INPP5D: variants seen among roughly 807,000 people sequenced by gnomAD.
The protein encoded by INPP5D is phosphatidylinositol 3,4,5-trisphosphate 5-phosphatase 1.
A neutral mutation model predicts 122.9 loss-of-function variants in INPP5D; 33 were observed. The ratio of observed to expected loss-of-function variants is 0.27; its 90% CI spans 0.20 to 0.36. The LOEUF is 0.36. INPP5D is among the 10% of genes least tolerant of loss of function. INPP5D has a pLI of 1.00. For synonymous variants in INPP5D, 584 were observed against 576.2 expected, an observed-to-expected ratio of 1.01 and a Z score of -0.19; for missense variants, 1,053 against 1,412.7, an observed-to-expected ratio of 0.75 and a Z score of 4.08.
At chr2:233,152,721 T>A (rs1374122258) in intron 9 of INPP5D, among the ~76,000 whole-genome samples, 1 of 151,798 alleles carries the variant, frequency 6.6e-6, no homozygotes, top group African/African-American at 2.4e-5. Context: ...CAGGAACAAG[T>A]ATGGCGTGTG....
rs950721054 is a variant in INPP5D at position 233,064,938 on chromosome 2, G to A, written c.134+4326G>A. On this transcript the variant is annotated intron_variant, in intron 1 of 26. Coordinates refer to ENST00000445964, the MANE Select transcript of INPP5D (RefSeq NM_001017915.3). The stretch of plus-strand genomic sequence containing the variant: ...GGCACTATTTTTCATATCTGATATT[G>A]ACAGTCAGTGGGAAAAAATGCTGGC... Among the ~76,000 whole-genome samples, 7 of 152,176 alleles carry A rather than the reference G, an allele frequency of 4.6e-5. 1 individual carries two copies. The highest frequency in any genetic ancestry group is 4.6e-4 in the Admixed American group (7 of 15,288).
At chr2:233,147,878 A>T (rs943066758) in intron 9 of INPP5D, among the ~76,000 whole-genome samples, 5 of 152,222 alleles carry the variant, frequency 3.3e-5, no homozygotes, top group Admixed American at 3.3e-4. Flanking sequence ...CTGTGAGTAC[A>T]TGGACTCTGG....
At chr2:233,195,037 AC>A (rs1229165892) in intron 23 of INPP5D, among the ~76,000 whole-genome samples, 1 of 152,078 alleles carries the variant, frequency 6.6e-6, no homozygotes, top group African/African-American at 2.4e-5. Flanking sequence ...CTCAAGTGAC[AC>A]ACCTGCCTCG....
chr2:233,171,001 G>A, intron 16 of INPP5D, 63 bp from the exon 17 acceptor site: 1 of 1,588,570 alleles, frequency 6.3e-7, no homozygotes, highest in Non-Finnish European at 8.6e-7. Flanking sequence ...AGAAGAATAG[G>A]GAAAATTGGC....
intron 10 of INPP5D, 46 bp from the exon 11 acceptor site, chr2:233,161,678 A>T: frequency 6.4e-7 from 1 of 1,573,506 alleles, no homozygotes; most frequent in Non-Finnish European, 8.6e-7. Flanking sequence ...TGTAATGTGC[A>T]GGGAGGCAGA....
At chr2:233,154,276 G>A (rs1693993751) in intron 9 of INPP5D, among the ~76,000 whole-genome samples, 1 of 152,218 alleles carries the variant, frequency 6.6e-6, no homozygotes, top group Non-Finnish European at 1.5e-5. Context: ...AGCCTCCCAG[G>A]TAGCTGGGAC....
chr2:233,167,466 A>T (rs1231540249), intron 13 of INPP5D, among the ~76,000 whole-genome samples: 1 of 152,238 alleles, frequency 6.6e-6, no homozygotes, highest in Non-Finnish European at 1.5e-5. Flanking sequence ...TAACTTGCCC[A>T]AGGCCCCGGG....
intron 5 of INPP5D, among the ~76,000 whole-genome samples, chr2:233,137,311 G>T (rs1193222468): frequency 6.6e-6 from 1 of 151,534 alleles, no homozygotes; most frequent in Non-Finnish European, 1.5e-5. Flanking sequence ...CATTTACATA[G>T]ATAACATTTT....
intron 2 of INPP5D, among the ~76,000 whole-genome samples, chr2:233,108,735 C>T (rs1484147193): frequency 6.6e-6 from 1 of 152,242 alleles, no homozygotes; most frequent in Non-Finnish European, 1.5e-5. Flanking sequence ...GAGCCCCTCC[C>T]TGCTCCCTCC....
At chr2:233,174,066 T>A (rs1383139793) in intron 17 of INPP5D, among the ~76,000 whole-genome samples, 1 of 152,254 alleles carries the variant, frequency 6.6e-6, no homozygotes, top group Non-Finnish European at 1.5e-5. Context: ...GGAGCTGTCG[T>A]CTCCTATGAT....
Position 233,170,114 on chromosome 2 carries a change from C to T in INPP5D, c.1741C>T (p.His581Tyr). ...SPFNITHRFT[H>Y]LFWFGDLNYR... ...CTTTAACATCACTCACCGCTTCACGCACCTCTTCTGGTTTGGGGATCTTAA... is the reference window on the plus strand; with the variant it reads ...CTTTAACATCACTCACCGCTTCACGTACCTCTTCTGGTTTGGGGATCTTAA... The change falls in exon 15 of 27, where the codon CAC becomes TAC. Residue 581 changes from histidine (H) to tyrosine (Y), a missense_variant. By Grantham distance (83) the His-to-Tyr change is moderately conservative. Around this residue, in one of 6 missense-constraint regions of INPP5D, gnomAD observed 258 missense variants for 439.1 expected, o/e 0.59. Coordinates refer to ENST00000445964, the MANE Select transcript of INPP5D (RefSeq NM_001017915.3). The surrounding 1 kb of genome is among the most constrained non-coding windows in gnomAD (Gnocchi z 4.5). The T allele has an allele frequency of 2.5e-6, 4 of 1,614,054 alleles. No homozygotes were observed. The highest frequency in any genetic ancestry group is 2.5e-6 in the Non-Finnish European group (3 of 1,179,900).
chr2:233,187,171 G>A (rs1694943338), intron 21 of INPP5D, among the ~76,000 whole-genome samples: 1 of 149,714 alleles, frequency 6.7e-6, no homozygotes, highest in Non-Finnish European at 1.5e-5. Flanking sequence ...GTGATGCAGT[G>A]AGACGCTGTC....
chr2:233,081,809 T>C (rs1691698506), intron 2 of INPP5D, among the ~76,000 whole-genome samples: 1 of 151,994 alleles, frequency 6.6e-6, no homozygotes, highest in African/African-American at 2.4e-5. Context: ...CTCTTCTCTG[T>C]GGGGCCGCTC....
chr2:233,175,700 GA>G (rs1694605690), intron 17 of INPP5D, among the ~76,000 whole-genome samples: 1 of 118,438 alleles, frequency 8.4e-6, no homozygotes, highest in African/African-American at 3.0e-5. Context: ...TTTTTTTTTT[GA>G]GATGGAGTTT....
At chr2:233,127,824 T>A (rs1693207489) in intron 4 of INPP5D, among the ~76,000 whole-genome samples, 1 of 152,218 alleles carries the variant, frequency 6.6e-6, no homozygotes, top group South Asian at 2.1e-4. Context: ...GTTAGGCTAG[T>A]CTCGAACTCC....
chr2:233,147,364 C>A (rs937141954), intron 8 of INPP5D, 107 bp from the exon 9 acceptor site: 2 of 651,470 alleles, frequency 3.1e-6, no homozygotes, highest in Non-Finnish European at 5.6e-6. Flanking sequence ...CCACGAAGGA[C>A]GCACACCAGA....
In INPP5D at chr2:233,157,631, A is replaced by G. The variant is rs190168397; in HGVS notation, c.1031-682A>G. ...GAAATTATGCATTGGCAGGGAGTCA[A>G]GTTGGGGGAGCAGGTTGTGTGTGTG... On this transcript the variant is annotated intron_variant, in intron 9 of 26. Transcript: ENST00000445964. Among the ~76,000 whole-genome samples, 424 of 145,732 alleles carry G rather than the reference A, an allele frequency of 2.9e-3. 4 individuals carry two copies. The highest frequency in any genetic ancestry group is 0.01 in the Middle Eastern group (3 of 286).
intron 6 of INPP5D, chr2:233,141,617 A>G (rs909096266): frequency 6.6e-6 from 1 of 152,204 alleles, no homozygotes; most frequent in Non-Finnish European, 1.5e-5. Flanking sequence ...AATCACATAA[A>G]CATGGAGAGC....
Position 233,128,623 on chromosome 2 carries a change from G to T in INPP5D, c.525-1885G>T, listed in dbSNP as rs149284075. 1.3e-5 allele frequency among the ~76,000 whole-genome samples: 2 copies of T among 151,890 alleles called. No individual in the cohort carries two copies. Among genetic ancestry groups the T allele is most frequent in the South Asian group, 2.1e-4 (1 of 4,812 alleles). On this transcript the variant is annotated intron_variant, in intron 4 of 26. Transcript: ENST00000445964. The surrounding 1 kb of genome is among the most constrained non-coding windows in gnomAD (Gnocchi z 4.5). ...CTCCTGAGTAGCTGGGACTACAAACGCACGCCACCACGCCCAGCTAATTTT... is the reference window on the plus strand; with the variant it reads ...CTCCTGAGTAGCTGGGACTACAAACTCACGCCACCACGCCCAGCTAATTTT...
Sources: gnomAD v4.1 joint callset for allele counts (sites outside exome capture counted in the v4.1 genomes callset) on GRCh38, gnomAD v4.1.1 for gene constraint, gnomAD v4.1.1 regional missense constraint, Gnocchi (gnomAD v3.1) non-coding constraint, MANE v1.5 for transcripts, NCBI Gene and HGNC (gene_info 2026-07-23, HGNC 2026-07-21) for gene names.